The following ENOX2 variants were observed in gnomAD, a reference collection of about 807,000 sequenced individuals.
ENOX2 encodes the protein APK1 antigen.
A neutral mutation model predicts 45.0 loss-of-function variants in ENOX2; 36 were observed. That is an observed-to-expected ratio of 0.80 (90% CI 0.61 to 1.06). ENOX2 has a LOEUF of 1.06. ENOX2 is among the 50% of genes least tolerant of loss of function. The pLI, the probability that ENOX2 is intolerant of heterozygous loss-of-function variation, is 0.00. For synonymous variants in ENOX2, 174 were observed against 152.3 expected (o/e 1.14, Z -1.05); for missense variants, 423 against 462.5 (o/e 0.91, Z 0.78).
intron 2 of ENOX2, among the ~76,000 whole-genome samples, chrX:130,892,811 T>C (rs2079004341): frequency 8.9e-6 from 1 of 112,451 alleles, no homozygotes; most frequent in Non-Finnish European, 1.9e-5. Flanking sequence ...GTTCATCTAG[T>C]TAATGATATG....
rs191648139 is a variant in ENOX2 at position 130,680,039 on chromosome X, C to A, written c.254-291G>T. ...GTTCGTTACTTTTGTTGTGACAATC[C>A]AGCTATGCCAAATTTTTAGTCATTT... On this transcript the variant is annotated intron_variant, in intron 5 of 14. Transcript: ENST00000394363. 4.5e-5 allele frequency among the ~76,000 whole-genome samples: 5 copies of A among 112,107 alleles called. No homozygotes were observed. In the East Asian group the frequency reaches 1.4e-3, roughly 31 times the overall value.
intron 3 of ENOX2, among the ~76,000 whole-genome samples, chrX:130,745,669 C>G (rs1443537102): frequency 8.9e-6 from 1 of 112,003 alleles, no homozygotes; most frequent in Non-Finnish European, 1.9e-5. Flanking sequence ...TTATTCACTA[C>G]ATGCAGAACC....
intron 3 of ENOX2, among the ~76,000 whole-genome samples, chrX:130,735,506 T>C (rs777841070): frequency 1.4e-4 from 16 of 112,070 alleles, no homozygotes; most frequent in African/African-American, 4.9e-4. Context: ...TGTGTCTATA[T>C]TAATAAAATG....
intron 10 of ENOX2, among the ~76,000 whole-genome samples, chrX:130,640,737 C>T (rs957917713): frequency 7.2e-5 from 8 of 110,871 alleles, no homozygotes; most frequent in African/African-American, 2.6e-4. Flanking sequence ...GAACAACACA[C>T]GCTGGGGCTT....
intron 6 of ENOX2, among the ~76,000 whole-genome samples, chrX:130,677,731 C>G (rs944842769): frequency 9.0e-6 from 1 of 111,135 alleles, no homozygotes; most frequent in Non-Finnish European, 1.9e-5. Context: ...ACCAGATGTG[C>G]CCCCTAGACC....
chrX:130,714,116 GA>G (rs964484081), intron 3 of ENOX2, among the ~76,000 whole-genome samples: 5 of 111,054 alleles, frequency 4.5e-5, no homozygotes, highest in African/African-American at 6.5e-5. Context: ...TCTCTTGGAG[GA>G]AAAAAAACCC....
At chrX:130,797,566 C>T (rs1569503195) in intron 2 of ENOX2, among the ~76,000 whole-genome samples, 1 of 109,143 alleles carries the variant, frequency 9.2e-6, no homozygotes, top group Non-Finnish European at 1.9e-5. Context: ...ACAGGCTTGA[C>T]AAATTTACAG....
chrX:130,825,936 T>C (rs1460156180), intron 2 of ENOX2, among the ~76,000 whole-genome samples: 2 of 111,225 alleles, frequency 1.8e-5, no homozygotes, highest in East Asian at 5.6e-4. Context: ...TATTTTATTA[T>C]TGGTTATTGT....
intron 2 of ENOX2, among the ~76,000 whole-genome samples, chrX:130,891,595 G>A (rs1419601243): frequency 1.0e-5 from 1 of 99,150 alleles, no homozygotes; most frequent in African/African-American, 3.8e-5. Flanking sequence ...TGAACTCCTC[G>A]GCTCAAGTAA....
chrX:130,853,697 C>T (rs1265605904), intron 2 of ENOX2, among the ~76,000 whole-genome samples: 1 of 109,728 alleles, frequency 9.1e-6, no homozygotes, highest in African/African-American at 3.3e-5. Context: ...CAAAGAAGGC[C>T]AAGTAGAGAG....
chrX:130,863,250 A>G (rs1010547083), intron 2 of ENOX2, among the ~76,000 whole-genome samples: 4 of 112,546 alleles, frequency 3.6e-5, no homozygotes, highest in Non-Finnish European at 7.5e-5. Context: ...GTGGGACCTC[A>G]GACATAAGCT....
At chrX:130,663,462 C>T (rs1239507301) in intron 9 of ENOX2, among the ~76,000 whole-genome samples, 6 of 101,336 alleles carry the variant, frequency 5.9e-5, no homozygotes, top group Non-Finnish European at 1.2e-4. Flanking sequence ...ACCCAGGAGG[C>T]GGAAGTTGCA....
intron 2 of ENOX2, among the ~76,000 whole-genome samples, chrX:130,899,327 T>A (rs943564982): frequency 8.9e-6 from 1 of 112,149 alleles, no homozygotes; most frequent in Non-Finnish European, 1.9e-5. Flanking sequence ...AATCTGTTTA[T>A]CAATTCTTTT....
intron 3 of ENOX2, among the ~76,000 whole-genome samples, chrX:130,773,037 T>C (rs763148446): frequency 2.6e-4 from 29 of 112,647 alleles, no homozygotes; most frequent in Non-Finnish European, 5.4e-4. Context: ...GACTGTCTTC[T>C]TTACTAGACT....
intron 6 of ENOX2, among the ~76,000 whole-genome samples, chrX:130,678,518 C>G (rs779808549): frequency 1.8e-5 from 2 of 108,773 alleles, no homozygotes; most frequent in Non-Finnish European, 3.8e-5. Context: ...CTTGAACATA[C>G]CAAGTCCATT....
intron 3 of ENOX2, among the ~76,000 whole-genome samples, chrX:130,750,039 G>C (rs2039181076): frequency 9.1e-6 from 1 of 109,886 alleles, no homozygotes; most frequent in African/African-American, 3.3e-5. Flanking sequence ...CTCTCTCTCT[G>C]TTGCTCCCTT....
At chrX:130,661,002 C>A (rs1425387103) in intron 9 of ENOX2, among the ~76,000 whole-genome samples, 1 of 111,838 alleles carries the variant, frequency 8.9e-6, no homozygotes, top group Non-Finnish European at 1.9e-5. Flanking sequence ...ACTTCTGTGC[C>A]AGCTGACATT....
chrX:130,875,563 G>A (rs1464953255), intron 2 of ENOX2, among the ~76,000 whole-genome samples: 3 of 111,696 alleles, frequency 2.7e-5, no homozygotes, highest in Non-Finnish European at 5.7e-5. Context: ...AGAGAAAAGT[G>A]GTTTTTCAAA....
chrX:130,808,838 ATAGATGTTCATTTCGTATATT>A (rs1004824900), intron 2 of ENOX2, among the ~76,000 whole-genome samples: 1 of 112,377 alleles, frequency 8.9e-6, no homozygotes, highest in African/African-American at 3.2e-5. Context: ...TATGAAATGT[ATAGATGTTCATTTCGTATATT>A]GTCTCTCACT....
Sources: allele counts gnomAD v4.1 joint callset (sites outside exome capture counted in the v4.1 genomes callset), GRCh38; gene constraint gnomAD v4.1.1; transcripts MANE v1.5; gene names NCBI Gene and HGNC (gene_info 2026-07-23, HGNC 2026-07-21).